Variants in CORO6 observed in about 807,000 individuals in gnomAD.
The protein encoded by CORO6 is coronin-6.
Under a neutral mutation model 49.0 loss-of-function variants are expected in CORO6, and 43 were observed. The observed-to-expected ratio is 0.88, with a 90% CI of 0.69 to 1.13. The LOEUF (loss-of-function observed/expected upper bound fraction) is 1.13. Ranked by LOEUF, CORO6 falls within the 50% of genes most tolerant of loss-of-function variation. The probability of loss-of-function intolerance (pLI) is 0.00; values close to 1 mark genes in which losing one functional copy is unlikely to be tolerated. For synonymous variants in CORO6, 233 were observed against 256.5 expected (o/e 0.91, Z 0.88); for missense variants, 650 against 647.0 (o/e 1.00, Z -0.05).
Position 29,617,405 on chromosome 17 carries a change from T to A in CORO6, c.753+95A>T, listed in dbSNP as rs2035027646. 1.9e-6 allele frequency: 3 copies of A among 1,550,928 alleles called. No homozygotes were observed. In the South Asian group the frequency reaches 3.6e-5, roughly 19 times the overall value. On this transcript the variant is annotated intron_variant, in intron 6 of 10. Coordinates refer to ENST00000388767, the MANE Select transcript of CORO6 (RefSeq NM_032854.4). ...GAGGTGGCAGCAGCCTTCAGTCCTG[T>A]CCAGGTGGGCATGCCCTGCGGGTGG...
chr17:29,617,140 C>T (rs1355927097), intron 6 of CORO6, 98 bp from the exon 7 acceptor site: 33 of 1,578,256 alleles, frequency 2.1e-5, no homozygotes, highest in South Asian at 2.0e-4. Flanking sequence ...CTTCCCAAAC[C>T]CTATGCCCCA....
At chr17:29,618,768 A>C in intron 5 of CORO6, 22 bp downstream of exon 5, 1 of 1,610,634 alleles carries the variant, frequency 6.2e-7, no homozygotes, top group Non-Finnish European at 8.5e-7. Context: ...GGTTCTGGGG[A>C]GTGGCCAGGC....
chr17:29,618,298 A>G, intron 5 of CORO6: 1 of 1,295,412 alleles, frequency 7.7e-7, no homozygotes, highest in Non-Finnish European at 9.8e-7. Context: ...TGGCGAGGCC[A>G]GGGCCGCCGC....
chr17:29,621,124 T>C lies in CORO6; in HGVS notation c.198+100A>G. ...AGGAGCCAATCCACACAGATGCTTC[T>C]CCTGACTATGGAATGGAACTAGGTG... On this transcript the variant is annotated intron_variant, in intron 2 of 10. Coordinates refer to ENST00000388767, the MANE Select transcript of CORO6 (RefSeq NM_032854.4). This position sits in a 1 kb window ranked among gnomAD's most constrained non-coding sequence, Gnocchi z 4.2. 1 of 1,457,374 alleles carries C rather than the reference T, an allele frequency of 6.9e-7. No homozygotes were observed. The highest frequency in any genetic ancestry group is 1.2e-5 in the South Asian group (1 of 80,252). The allele number at this position is 1,457,374 out of a possible 1,614,324, so 90.3% of individuals were successfully genotyped here. A position where few individuals can be genotyped will look rare whatever the true frequency, so the allele number is the denominator to read the frequency against.
At chr17:29,617,666 C>A in intron 5 of CORO6, 47 bp from the exon 6 acceptor site, 1 of 1,529,280 alleles carries the variant, frequency 6.5e-7, no homozygotes, top group Non-Finnish European at 8.8e-7. Flanking sequence ...GCTGCCTGCC[C>A]TGAGGAGCAT....
intron 5 of CORO6, 161 bp from the exon 6 acceptor site, chr17:29,617,780 C>T (rs1255067358): frequency 5.0e-6 from 4 of 807,266 alleles, no homozygotes; most frequent in Non-Finnish European, 7.6e-6. Context: ...TGCGGGGCCA[C>T]GTCTGGCCCC....
At chr17:29,617,325 A>G in intron 6 of CORO6, 175 bp downstream of exon 6, 1 of 1,527,232 alleles carries the variant, frequency 6.5e-7, no homozygotes, top group South Asian at 1.2e-5. Context: ...AGGATCCTTC[A>G]CGCGACGCAG....
rs755398712 is a variant in CORO6 at position 29,617,514 on chromosome 17, C to A, written c.739G>T (p.Gly247Cys). 1 of 1,610,080 alleles carries A rather than the reference C, an allele frequency of 6.2e-7. No individual in the cohort carries two copies. Among genetic ancestry groups the A allele is most frequent in the East Asian group, 2.2e-5 (1 of 44,866 alleles). The change falls in exon 6 of 11, where the codon GGC becomes TGC. Residue 247 changes from glycine (G) to cysteine (C), a missense_variant. By Grantham distance (159) the Gly-to-Cys change is radical. Coordinates refer to ENST00000388767, the MANE Select transcript of CORO6 (RefSeq NM_032854.4). ...AGCTGCGTTACCGGGTCCCACAGGC[C>A]CAGCTCTCGCTGGCTCATGCGGGTG... ...GFTRMSQREL[G>C]LWDPNNFEEP...
rs2034916853 is a variant in CORO6, at chr17:29,616,389, T to C, written c.1005-53A>G. The C allele has an allele frequency of 6.5e-7, 1 of 1,545,762 alleles. No individual in the cohort carries two copies. The highest frequency in any genetic ancestry group is 1.4e-5 in the African/African-American group (1 of 73,826). ...CGCAGACTTCCACGTCCTTAACTTC[T>C]CCTGTCTAAGACCAAGGGGGTTGGA... On this transcript the variant is annotated intron_variant, in intron 8 of 10. Coordinates refer to ENST00000388767, the MANE Select transcript of CORO6 (RefSeq NM_032854.4). The surrounding 1 kb of genome is among the most constrained non-coding windows in gnomAD (Gnocchi z 5.6).
chr17:29,619,761 C>A lies in CORO6; in HGVS notation c.211G>T (p.Asp71Tyr). 1 of 1,611,176 alleles carries A rather than the reference C, an allele frequency of 6.2e-7. No homozygotes were observed. Among genetic ancestry groups the A allele is most frequent in the South Asian group, 1.1e-5 (1 of 91,018 alleles). The change falls in exon 3 of 11, where the codon GAT becomes TAT. Residue 71 changes from aspartate to tyrosine, a missense_variant. Physicochemically the swap from Asp to Tyr is radical, Grantham distance 160. Coordinates refer to ENST00000388767, the MANE Select transcript of CORO6 (RefSeq NM_032854.4). ...VLPLAKTGRV[D>Y]KNYPLVTGHT... Reference sequence around the variant, plus strand: ...CCAGTGACCAGTGGGTAGTTCTTATCCACTCGCCCTGTCTGAGGGGTTGGA... The same window carrying A: ...CCAGTGACCAGTGGGTAGTTCTTATACACTCGCCCTGTCTGAGGGGTTGGA...
At chr17:29,617,873 G>A (rs923834295) in intron 5 of CORO6, 15 of 694,620 alleles carry the variant, frequency 2.2e-5, no homozygotes, top group East Asian at 1.3e-4. Context: ...GCGCTCAAAG[G>A]CCGATCCCTA....
chr17:29,618,363 G>T lies in CORO6; in HGVS notation c.633+427C>A, dbSNP rs1349134508. Reference sequence around the variant, plus strand: ...ACGCGCGAGGGTTGCCCCATCCCCCGCCCAGCGGGTCCACAAGGAGAAAGG... The same window carrying T: ...ACGCGCGAGGGTTGCCCCATCCCCCTCCCAGCGGGTCCACAAGGAGAAAGG... On this transcript the variant is annotated intron_variant, in intron 5 of 10. Transcript: ENST00000388767. 9 of 1,284,424 alleles carry T rather than the reference G, an allele frequency of 7.0e-6. No homozygotes were observed. In the South Asian group the frequency reaches 2.1e-4, roughly 30 times the overall value. The allele number at this position is 1,284,424 out of a possible 1,614,324, so 79.6% of individuals were successfully genotyped here.
intron 6 of CORO6, 135 bp from the exon 7 acceptor site, chr17:29,617,177 C>A: frequency 6.5e-7 from 1 of 1,544,186 alleles, no homozygotes. Context: ...AGTTGCAGGC[C>A]CCTCCCCTGG....
Position 29,615,967 on chromosome 17 carries a change from G to A in CORO6, c.1271C>T (p.Ser424Leu), listed in dbSNP as rs1269929029. Residue 424 changes from serine to leucine, a missense_variant, in exon 10 of 11, where the codon TCG becomes TTG. Ser to Leu is a moderately radical substitution (Grantham distance 145). Transcript: ENST00000388767. Reference sequence around the variant, plus strand: ...TACCGACAAGGGGGCGTCGCTGGCCGACTGGCTGCGGCGGGGGCCGGAGGG... The same window carrying A: ...TACCGACAAGGGGGCGTCGCTGGCCAACTGGCTGCGGCGGGGGCCGGAGGG... Reference protein sequence around the residue: ...RPPSGPRRSQSASDAPLSQQH... With the variant: ...RPPSGPRRSQLASDAPLSQQH... The A allele has an allele frequency of 3.2e-6, 5 of 1,586,778 alleles. No individual in the cohort carries two copies. Among genetic ancestry groups the A allele is most frequent in the Non-Finnish European group, 4.3e-6 (5 of 1,165,202 alleles).
At chr17:29,619,587 A>G (rs1859132084) in intron 3 of CORO6, 64 bp downstream of exon 3, 1 of 1,539,286 alleles carries the variant, frequency 6.5e-7, no homozygotes, top group African/African-American at 1.4e-5. Context: ...CTTCCCCAGC[A>G]CAGGTGAGGC....
intron 6 of CORO6, 51 bp from the exon 7 acceptor site, chr17:29,617,093 C>T: frequency 6.3e-7 from 1 of 1,591,880 alleles, no homozygotes; most frequent in Non-Finnish European, 8.6e-7. Flanking sequence ...TCCCGTGCTA[C>T]TTCGGGACCC....
At position 29,617,602 on chromosome 17, in the gene CORO6, G is replaced by A. The variant is rs200504173; in HGVS notation, c.651C>T (p.His217=). ...CGGCCCGCATGGGCCTCATCCCCTCGTGGGCCGCAAACCTCTCCTGGGGGG... is the reference window on the plus strand; with the variant it reads ...CGGCCCGCATGGGCCTCATCCCCTCATGGGCCGCAAACCTCTCCTGGGGGG... ...GQVVAERFAA[H]EGMRPMRAVF... The change falls in exon 6 of 11, where the codon CAC becomes CAT. Residue 217 remains histidine, a synonymous_variant. Transcript: ENST00000388767. 341 of 1,600,406 alleles carry A rather than the reference G, an allele frequency of 2.1e-4. No individual in the cohort carries two copies. Among genetic ancestry groups the A allele is most frequent in the Admixed American group, 6.4e-4 (37 of 58,214 alleles).
intron 2 of CORO6, 39 bp from the exon 3 acceptor site, chr17:29,619,812 G>A: frequency 6.3e-7 from 1 of 1,588,564 alleles, no homozygotes; most frequent in Non-Finnish European, 8.6e-7. Flanking sequence ...CTACTCTCCT[G>A]TGTGTTTTTT....
Position 29,615,928 on chromosome 17 carries a change from A to C in CORO6, c.1293+17T>G. 2 of 1,579,846 alleles carry C rather than the reference A, an allele frequency of 1.3e-6. No individual in the cohort carries two copies. The highest frequency in any genetic ancestry group is 1.7e-6 in the Non-Finnish European group (2 of 1,162,090). On this transcript the variant is annotated intron_variant, in intron 10 of 10. Coordinates refer to ENST00000388767, the MANE Select transcript of CORO6 (RefSeq NM_032854.4). The stretch of plus-strand genomic sequence containing the variant: ...GGAGATGTAGATTGGGCCAGAGTGC[A>C]GCAGGGCCGATCTTACCGACAAGGG...
Sources: allele counts gnomAD v4.1 joint callset, GRCh38; gene constraint gnomAD v4.1.1; non-coding constraint Gnocchi (gnomAD v3.1); transcripts MANE v1.5; gene names NCBI Gene and HGNC (gene_info 2026-07-23, HGNC 2026-07-21).